The following ATP1A4 variants were observed in gnomAD, a reference collection of about 807,000 sequenced individuals.
The protein encoded by ATP1A4 is sodium/potassium-transporting ATPase subunit alpha-4.
A neutral mutation model predicts 114.3 loss-of-function variants in ATP1A4; 90 were observed. The ratio of observed to expected loss-of-function variants is 0.79; its 90% CI spans 0.66 to 0.94. The LOEUF is 0.94. Among genes scored for constraint, ATP1A4 ranks in the 40% least tolerant of loss-of-function variants. The pLI is 0.00. For synonymous variants in ATP1A4, 511 were observed against 494.1 expected (o/e 1.03, Z -0.45); for missense variants, 1,222 against 1,313.6 (o/e 0.93, Z 1.08).
rs528653005 is a variant in ATP1A4, at chr1:160,160,088, A to G, written c.778+562A>G. On this transcript the variant is annotated intron_variant, in intron 6 of 21. Transcript: ENST00000368081. ...GCAAAGTGGTAATAAAAAGGGACTG[A>G]ACATCATTCTGTCAATCTCTCCTTT... is the stretch of plus-strand genomic sequence containing the variant. 2.0e-5 allele frequency among the ~76,000 whole-genome samples: 3 copies of G among 152,360 alleles called. No homozygotes were observed. In the East Asian group the frequency reaches 5.8e-4, roughly 29 times the overall value.
chr1:160,152,459 C>G lies in ATP1A4; in HGVS notation c.147+272C>G, dbSNP rs1255890390. ...TCCACTGCCACTTACAGGCTGGGTA[C>G]TTATAGGGATGGATGGGAGGAGTCT... is the stretch of plus-strand genomic sequence containing the variant. On this transcript the variant is annotated intron_variant, in intron 1 of 21. Transcript: ENST00000368081. Among the ~76,000 whole-genome samples, 3 of 152,162 alleles carry G rather than the reference C, an allele frequency of 2.0e-5. No individual in the cohort carries two copies. The South Asian group carries it at 6.2e-4, about 32-fold the overall frequency.
rs953626229 is a variant in ATP1A4, at chr1:160,176,536, C to T, written c.2524C>T (p.Pro842Ser). The stretch of plus-strand genomic sequence containing the variant: ...TGAAAGCGACATCATGAAGAGGCTT[C>T]CAAGGAACCCAAAGACGGATAATCT... ...SAESDIMKRL[P>S]RNPKTDNLVN... The change falls in exon 17 of 22, where the codon CCA (proline) becomes TCA (serine). Residue 842 changes from proline (P) to serine (S), a missense_variant. Coordinates refer to ENST00000368081, the MANE Select transcript of ATP1A4 (RefSeq NM_144699.4). 1 of 1,614,146 alleles carries T rather than the reference C, an allele frequency of 6.2e-7. No homozygotes were observed.
At chr1:160,164,010 C>T (rs772341772) in intron 6 of ATP1A4, 146 bp from the exon 7 acceptor site, 56 of 1,080,322 alleles carry the variant, frequency 5.2e-5, no homozygotes, top group Non-Finnish European at 7.3e-5. Context: ...GGGTCAAAGA[C>T]CAAATATTAG....
At chr1:160,161,282 C>G (rs945120476) in intron 6 of ATP1A4, among the ~76,000 whole-genome samples, 1 of 152,202 alleles carries the variant, frequency 6.6e-6, no homozygotes, top group Non-Finnish European at 1.5e-5. Flanking sequence ...ATAACTTTAA[C>G]CTTTACCCTT....
Position 160,151,810 on chromosome 1 carries a change from A to G in ATP1A4, c.-231A>G, listed in dbSNP as rs1571005737. On this transcript the variant is annotated 5_prime_UTR_variant, in exon 1 of 22. Transcript: ENST00000368081. ...CTCACTCCTGACTCTTCCTCTTCCCAGCGGACGGCTGGAGGACCGCTCAGT... is the reference window on the plus strand; with the variant it reads ...CTCACTCCTGACTCTTCCTCTTCCCGGCGGACGGCTGGAGGACCGCTCAGT... 1 of 471,710 alleles carries G rather than the reference A, an allele frequency of 2.1e-6. No homozygotes were observed. The allele number at this position is 471,710 out of a possible 1,614,324, so 29.2% of individuals were successfully genotyped here.
At position 160,152,074 on chromosome 1, in the gene ATP1A4, C is replaced by A; in HGVS notation, c.34C>A (p.Pro12Thr). The part of the protein sequence containing the change: ...GLWGKKGTVA[P>T]HDQSPRRRPK... The stretch of plus-strand genomic sequence containing the variant: ...TTGGGGGAAGAAAGGGACAGTGGCT[C>A]CCCATGACCAGAGTCCAAGACGAAG... Residue 12 changes from proline to threonine, a missense_variant, in exon 1 of 22, where the codon CCC becomes ACC. Transcript: ENST00000368081. 1 of 1,613,892 alleles carries A rather than the reference C, an allele frequency of 6.2e-7. No homozygotes were observed. Among genetic ancestry groups the A allele is most frequent in the South Asian group, 1.1e-5 (1 of 91,058 alleles).
chr1:160,176,246 G>T lies in ATP1A4; in HGVS notation c.2466G>T (p.Met822Ile). The T allele has an allele frequency of 6.2e-7, 1 of 1,614,060 alleles. No homozygotes were observed. The highest frequency in any genetic ancestry group is 8.5e-7 in the Non-Finnish European group (1 of 1,179,996). ...TILCIDLGTD[M>I]VPAISLAYES... ...TCTGCATTGATCTCGGCACTGACAT[G>T]GTAAGGGCCAAGCTGGTGAGCAAGA... Residue 822 changes from methionine to isoleucine, a missense_variant and splice_region_variant, in exon 16 of 22, where the codon ATG becomes ATT. By Grantham distance (10) the Met-to-Ile change is conservative. Coordinates refer to ENST00000368081, the MANE Select transcript of ATP1A4 (RefSeq NM_144699.4).
Position 160,171,723 on chromosome 1 carries a change from A to G in ATP1A4, c.1820A>G (p.Asp607Gly). Residue 607 changes from aspartate (D) to glycine (G), a missense_variant, in exon 12 of 22, where the codon GAT (aspartate) becomes GGT (glycine). Asp to Gly is a moderately conservative substitution (Grantham distance 94). Transcript: ENST00000368081. ...MIDPPRAAVP[D>G]AVSKCRSAGI... Reference sequence around the variant, plus strand: ...GACCCTCCCCGAGCTGCAGTGCCTGATGCTGTGAGCAAGTGTCGCAGTGCA... The same window carrying G: ...GACCCTCCCCGAGCTGCAGTGCCTGGTGCTGTGAGCAAGTGTCGCAGTGCA... 1 of 1,614,172 alleles carries G rather than the reference A, an allele frequency of 6.2e-7. No individual in the cohort carries two copies.
intron 20 of ATP1A4, among the ~76,000 whole-genome samples, chr1:160,183,812 T>G (rs1048345944): frequency 1.3e-5 from 2 of 152,240 alleles, no homozygotes; most frequent in African/African-American, 4.8e-5. Context: ...ATAACTTCAT[T>G]ATTTTGGTTG....
At position 160,167,374 on chromosome 1, in the gene ATP1A4, G is replaced by A; in HGVS notation, c.1453G>A (p.Val485Met). The A allele has an allele frequency of 6.2e-7, 1 of 1,612,414 alleles. No homozygotes were observed. Among genetic ancestry groups the A allele is most frequent in the Non-Finnish European group, 8.5e-7 (1 of 1,179,652 alleles). The change falls in exon 10 of 22, where the codon GTG (valine) becomes ATG (methionine). Residue 485 changes from valine (V) to methionine (M), a missense_variant. Transcript: ENST00000368081. The stretch of plus-strand genomic sequence containing the variant: ...GGAGATGAGAGAGAAAAACCCCAAG[G>A]TGGCAGAGATTCCCTTTAATTCTAC... The part of the protein sequence containing the change: ...VAEMREKNPK[V>M]AEIPFNSTNK...
In ATP1A4 at chr1:160,174,172, G is replaced by A; in HGVS notation, c.2053G>A (p.Asp685Asn). ...ELKDIQSKQL[D>N]QILQNHPEIV... The stretch of plus-strand genomic sequence containing the variant: ...GAAGGACATACAGTCCAAGCAGCTT[G>A]ATCAGATCCTCCAGAACCACCCTGA... The change falls in exon 14 of 22, where the codon GAT becomes AAT. Residue 685 changes from aspartate to asparagine, a missense_variant. By Grantham distance (23) the Asp-to-Asn change is conservative. Transcript: ENST00000368081. 6.2e-7 allele frequency: 1 copy of A among 1,614,186 alleles called. No individual in the cohort carries two copies. The highest frequency in any genetic ancestry group is 8.5e-7 in the Non-Finnish European group (1 of 1,180,034).
chr1:160,176,861 A>G (rs2101650732), intron 17 of ATP1A4, among the ~76,000 whole-genome samples: 1 of 152,356 alleles, frequency 6.6e-6, no homozygotes, highest in African/African-American at 2.4e-5. Flanking sequence ...AGGATTACAA[A>G]GCAAGCAGGC....
chr1:160,186,581 C>G, intron 21 of ATP1A4, 90 bp from the exon 22 acceptor site: 1 of 1,478,308 alleles, frequency 6.8e-7, no homozygotes, highest in Non-Finnish European at 9.3e-7. Context: ...CTCCCACCTC[C>G]AACCTTGTCC....
intron 9 of ATP1A4, 53 bp downstream of exon 9, chr1:160,167,130 C>T (rs1368249203): frequency 8.2e-6 from 13 of 1,583,292 alleles, no homozygotes; most frequent in African/African-American, 1.3e-5. Flanking sequence ...GTAACCTGAC[C>T]TCTCCCAAAA....
chr1:160,181,218 C>T (rs950335895), intron 18 of ATP1A4, among the ~76,000 whole-genome samples: 2 of 152,042 alleles, frequency 1.3e-5, no homozygotes, highest in East Asian at 1.9e-4. Context: ...ACATGAAAAG[C>T]GCTAAAACAG....
intron 18 of ATP1A4, among the ~76,000 whole-genome samples, chr1:160,178,606 C>T (rs527910503): frequency 2.0e-4 from 30 of 151,986 alleles, no homozygotes; most frequent in Admixed American, 1.7e-3. Flanking sequence ...TCCCAGGAGG[C>T]GGAGATTGCA....
At chr1:160,163,817 A>G (rs73025536) in intron 6 of ATP1A4, among the ~76,000 whole-genome samples, 8,904 of 152,148 alleles carry the variant, frequency 0.059, 290 homozygotes, top group Middle Eastern at 0.15. Flanking sequence ...CTCTAATCAC[A>G]TGGTTATCTG....
In ATP1A4 at chr1:160,166,141, A is replaced by G. The variant is rs190855441; in HGVS notation, c.1048-387A>G. On this transcript the variant is annotated intron_variant, in intron 7 of 21. Coordinates refer to ENST00000368081, the MANE Select transcript of ATP1A4 (RefSeq NM_144699.4). ...AAAAATTAGCTGAACATGGTGGTGCATGCCTGTAGTCTGAGCTACTCGGGA... is the reference window on the plus strand; with the variant it reads ...AAAAATTAGCTGAACATGGTGGTGCGTGCCTGTAGTCTGAGCTACTCGGGA... 1.7e-4 allele frequency among the ~76,000 whole-genome samples: 26 copies of G among 152,252 alleles called. No individual in the cohort carries two copies. In the East Asian group the frequency reaches 4.6e-3, roughly 27 times the overall value.
At chr1:160,158,309 G>C (rs1360324277) in intron 4 of ATP1A4, among the ~76,000 whole-genome samples, 5 of 152,162 alleles carry the variant, frequency 3.3e-5, no homozygotes, top group Non-Finnish European at 1.5e-5. Flanking sequence ...AGAGAGGTTA[G>C]CTTGGGCTTG....
Sources: gnomAD v4.1 joint callset for allele counts (sites outside exome capture counted in the v4.1 genomes callset) on GRCh38, gnomAD v4.1.1 for gene constraint, MANE v1.5 for transcripts, NCBI Gene and HGNC (gene_info 2026-07-23, HGNC 2026-07-21) for gene names.